HSD17B12: variants seen among roughly 807,000 people sequenced by gnomAD.
The protein encoded by HSD17B12 is very-long-chain 3-oxoacyl-CoA reductase.
In HSD17B12, 32 loss-of-function variants were observed where a neutral mutation model predicts 39.3. The ratio of observed to expected loss-of-function variants is 0.81; its 90% CI spans 0.61 to 1.09. The LOEUF is 1.09. Among genes scored for constraint, HSD17B12 ranks in the 50% least tolerant of loss-of-function variants. The probability of loss-of-function intolerance (pLI) is 0.00; values close to 1 mark genes in which losing one functional copy is unlikely to be tolerated. For missense variants in HSD17B12, 342 were observed against 382.9 expected, an observed-to-expected ratio of 0.89 and a Z score of 0.89; for synonymous variants, 150 against 146.7, an observed-to-expected ratio of 1.02 and a Z score of -0.16.
At chr11:43,725,261 A>G (rs977159554) in intron 1 of HSD17B12, among the ~76,000 whole-genome samples, 10 of 152,192 alleles carry the variant, frequency 6.6e-5, no homozygotes, top group African/African-American at 2.4e-4. Flanking sequence ...CAGTTTCTTC[A>G]TCTCTAAAAT....
At chr11:43,726,099 A>G (rs1016085434) in intron 1 of HSD17B12, among the ~76,000 whole-genome samples, 1 of 152,226 alleles carries the variant, frequency 6.6e-6, no homozygotes, top group African/African-American at 2.4e-5. Context: ...ACTAATGATA[A>G]TAAAAGCATA....
chr11:43,776,431 C>T (rs1415654133), intron 3 of HSD17B12, among the ~76,000 whole-genome samples: 65 of 151,998 alleles, frequency 4.3e-4, no homozygotes, highest in African/African-American at 1.2e-3. Flanking sequence ...TCATGTCCTT[C>T]GCCCACTTTT....
the HSD17B12 span, among the ~76,000 whole-genome samples, chr11:43,622,477 A>T: frequency 6.6e-6 from 1 of 152,106 alleles, no homozygotes; most frequent in Non-Finnish European, 1.5e-5. Flanking sequence ...TTTACTTAAA[A>T]AAACAGTTGG....
At chr11:43,767,923 G>C (rs1022952802) in intron 3 of HSD17B12, among the ~76,000 whole-genome samples, 1 of 152,146 alleles carries the variant, frequency 6.6e-6, no homozygotes, top group Non-Finnish European at 1.5e-5. Context: ...AACTTTTATG[G>C]AACACTTAAT....
intron 3 of HSD17B12, among the ~76,000 whole-genome samples, chr11:43,782,448 A>G: frequency 6.6e-6 from 1 of 152,194 alleles, no homozygotes; most frequent in East Asian, 1.9e-4. Flanking sequence ...TGAGAGCCCA[A>G]GGCAGGAGGA....
intron 3 of HSD17B12, among the ~76,000 whole-genome samples, chr11:43,792,468 C>G (rs1430691650): frequency 6.6e-6 from 1 of 152,102 alleles, no homozygotes; most frequent in Non-Finnish European, 1.5e-5. Flanking sequence ...AACTCATTAT[C>G]TTTTCCAAGA....
At chr11:43,688,384 G>T (rs143471160) in intron 1 of HSD17B12, among the ~76,000 whole-genome samples, 1 of 152,120 alleles carries the variant, frequency 6.6e-6, no homozygotes, top group Non-Finnish European at 1.5e-5. Flanking sequence ...TGAGTGATGG[G>T]GTTATTGAAA....
chr11:43,753,710 G>A (rs1019177981), intron 2 of HSD17B12, among the ~76,000 whole-genome samples: 1 of 151,612 alleles, frequency 6.6e-6, no homozygotes, highest in Non-Finnish European at 1.5e-5. Context: ...CACTGTGCTT[G>A]GCATAAAACT....
At chr11:43,776,072 G>T (rs1399090325) in intron 3 of HSD17B12, among the ~76,000 whole-genome samples, 1 of 152,146 alleles carries the variant, frequency 6.6e-6, no homozygotes, top group African/African-American at 2.4e-5. Flanking sequence ...ACATACGTGT[G>T]CATGCGTCTT....
At chr11:43,702,681 C>T (rs1224857560) in intron 1 of HSD17B12, among the ~76,000 whole-genome samples, 3 of 152,138 alleles carry the variant, frequency 2.0e-5, no homozygotes, top group Non-Finnish European at 4.4e-5. Flanking sequence ...CACTTGGTCA[C>T]GGTGGATGAT....
chr11:43,581,970 G>T, the HSD17B12 span, among the ~76,000 whole-genome samples: 1 of 152,180 alleles, frequency 6.6e-6, no homozygotes, highest in African/African-American at 2.4e-5. This position sits in a 1 kb window ranked among gnomAD's most constrained non-coding sequence, Gnocchi z 4.9. Context: ...GGGGCTGGAG[G>T]CCCTTAGTAT....
chr11:43,828,486 A>G (rs2135106036), intron 6 of HSD17B12, among the ~76,000 whole-genome samples: 1 of 151,964 alleles, frequency 6.6e-6, no homozygotes, highest in East Asian at 1.9e-4. Flanking sequence ...TTCGCTATAC[A>G]CTTTTGGAAA....
the HSD17B12 span, among the ~76,000 whole-genome samples, chr11:43,616,013 C>T: frequency 0.2 from 29,636 of 151,582 alleles, 3,156 homozygotes; most frequent in Middle Eastern, 0.26. Flanking sequence ...TGAGTGAGAG[C>T]GAGAGTGTAA....
Position 43,810,368 on chromosome 11 carries a change from TATATATATATATATA to T in HSD17B12, c.392-5068_392-5054del, listed in dbSNP as rs758944054. Among the ~76,000 whole-genome samples, 3 of 89,298 alleles carry T rather than the reference TATATATATATATATA, an allele frequency of 3.4e-5. No individual in the cohort carries two copies. The Admixed American group carries it at 3.5e-4, about 10-fold the overall frequency. 58.6% of individuals were successfully genotyped at this position (89,298 alleles called of 152,430 possible). On this transcript the variant is annotated intron_variant, in intron 4 of 10. Transcript: ENST00000278353. The stretch of plus-strand genomic sequence containing the variant: ...TTTTAAAGCAGTATAATTTAGAAAT[TATATATATATATATA>T]TATATATATATATATATATAAAATT...
intron 1 of HSD17B12, among the ~76,000 whole-genome samples, chr11:43,738,036 G>A (rs1414235531): frequency 1.4e-5 from 2 of 139,902 alleles, no homozygotes; most frequent in South Asian, 2.3e-4. Flanking sequence ...TTGCCTGGGC[G>A]ACAGAGCCAG....
At chr11:43,815,585 C>T (rs185967010) in intron 5 of HSD17B12, 84 bp downstream of exon 5, 98 of 794,828 alleles carry the variant, frequency 1.2e-4, no homozygotes, top group Admixed American at 5.9e-4. Flanking sequence ...CACTGGAGTC[C>T]AGCTGCCTGT....
chr11:43,854,653 T>G, intron 9 of HSD17B12, 62 bp from the exon 10 acceptor site: 1 of 1,560,146 alleles, frequency 6.4e-7, no homozygotes, highest in East Asian at 2.2e-5. Flanking sequence ...CCACTGTACA[T>G]TCTGAGTTTG....
At chr11:43,689,126 A>C (rs575864000) in intron 1 of HSD17B12, among the ~76,000 whole-genome samples, 1 of 152,202 alleles carries the variant, frequency 6.6e-6, no homozygotes, top group Admixed American at 6.5e-5. Flanking sequence ...GTTCCTTTAT[A>C]TATAGATCCC....
At chr11:43,592,939 TG>T in the HSD17B12 span, among the ~76,000 whole-genome samples, 1 of 152,154 alleles carries the variant, frequency 6.6e-6, no homozygotes, top group South Asian at 2.1e-4. Context: ...AGATCCTCAC[TG>T]GTTGAGGGAG....
Sources: allele counts gnomAD v4.1 joint callset (sites outside exome capture counted in the v4.1 genomes callset), GRCh38; gene constraint gnomAD v4.1.1; non-coding constraint Gnocchi (gnomAD v3.1); transcripts MANE v1.5; gene names NCBI Gene and HGNC (gene_info 2026-07-23, HGNC 2026-07-21).